PHF8: variants seen among roughly 807,000 people sequenced by gnomAD.
The protein encoded by PHF8 is histone lysine demethylase PHF8.
A neutral mutation model predicts 74.4 loss-of-function variants in PHF8; 9 were observed. That is an observed-to-expected ratio of 0.12 (90% CI 0.07 to 0.21). The LOEUF is 0.21. Ranked by LOEUF, PHF8 falls within the 10% of genes least tolerant of loss-of-function variation. The pLI is 1.00. For synonymous variants in PHF8, 311 were observed against 316.6 expected (o/e 0.98, Z 0.19); for missense variants, 478 against 816.6 (o/e 0.59, Z 5.05).
chrX:54,014,884 C>T (rs1428557999), intron 6 of PHF8, among the ~76,000 whole-genome samples: 3 of 112,001 alleles, frequency 2.7e-5, no homozygotes, highest in Non-Finnish European at 3.8e-5. Context: ...GAAGTTATTG[C>T]ACTATCCCCA....
At position 53,944,146 on chromosome X, in the gene PHF8, C is replaced by T. The variant is rs2064795705; in HGVS notation, c.2637G>A (p.Lys879=). The change falls in exon 20 of 22, where the codon AAG becomes AAA. Residue 879 remains lysine, a synonymous_variant. Coordinates refer to ENST00000338154, the MANE Select transcript of PHF8 (RefSeq NM_015107.3). ...IETGLAAAAA[K]LAQQELQKAQ... ...TGTCAGCACCTACCTGCTGGGCCAG[C>T]TTTGCAGCTGCTGCAGCCAAACCTG... 3 of 1,196,946 alleles carry T rather than the reference C, an allele frequency of 2.5e-6. No individual in the cohort carries two copies. Among genetic ancestry groups the T allele is most frequent in the East Asian group, 5.9e-5 (2 of 33,804 alleles).
chrX:53,993,543 C>A, intron 13 of PHF8, 58 bp downstream of exon 13: 1 of 1,054,452 alleles, frequency 9.5e-7, no homozygotes, highest in Admixed American at 2.2e-5. Context: ...TTTTTGAAAC[C>A]CTGCTCTTCC....
rs886568860 is a variant in PHF8 at position 53,938,427 on chromosome X, G to A, written c.*731C>T. The A allele has an allele frequency of 1.3e-6, 1 of 796,112 alleles. No homozygotes were observed. The highest frequency in any genetic ancestry group is 7.4e-5 in the Admixed American group (1 of 13,469). 65.6% of individuals were successfully genotyped at this position (796,112 alleles called of 1,213,427 possible). A position where few individuals can be genotyped will look rare whatever the true frequency, so the allele number is the denominator to read the frequency against. On this transcript the variant is annotated 3_prime_UTR_variant, in exon 22 of 22. Transcript: ENST00000338154. ...TGGCCTCATGTGTAGCCAGCTAAAA[G>A]TAGCTTCCTCCAACAGGCTACAAAA...
intron 4 of PHF8, among the ~76,000 whole-genome samples, chrX:54,018,778 G>T (rs1402835148): frequency 9.0e-6 from 1 of 110,518 alleles, no homozygotes; most frequent in African/African-American, 3.3e-5. Context: ...GCGCCACCAC[G>T]CCCAGCTAAT....
chrX:53,940,348 G>A lies in PHF8; in HGVS notation c.2818C>T (p.Pro940Ser), dbSNP rs2149767894. The A allele has an allele frequency of 3.3e-6, 4 of 1,210,215 alleles. No homozygotes were observed. In the South Asian group the frequency reaches 7.1e-5, roughly 21 times the overall value. ...TSSSPLPPPEPKQEALSGSLA... is the reference protein window; with the variant it reads ...TSSSPLPPPESKQEALSGSLA... Reference sequence around the variant, plus strand: ...CTTCCTGACAGGGCCTCTTGTTTAGGCTCAGGAGGAGGCAGGGGTGAGGAG... The same window carrying A: ...CTTCCTGACAGGGCCTCTTGTTTAGACTCAGGAGGAGGCAGGGGTGAGGAG... Residue 940 changes from proline to serine, a missense_variant, in exon 21 of 22, where the codon CCT (proline) becomes TCT (serine). By Grantham distance (74) the Pro-to-Ser change is moderately conservative. Transcript: ENST00000338154.
intron 4 of PHF8, among the ~76,000 whole-genome samples, chrX:54,020,506 A>AT (rs1370993907): frequency 9.0e-6 from 1 of 111,524 alleles, no homozygotes; most frequent in African/African-American, 3.3e-5. Context: ...TCAAATATAT[A>AT]TTTTTTTAAA....
intron 18 of PHF8, among the ~76,000 whole-genome samples, chrX:53,980,536 T>G (rs1160980453): frequency 8.9e-6 from 1 of 111,907 alleles, no homozygotes; most frequent in African/African-American, 3.2e-5. Context: ...AACTTTCTGT[T>G]GTTTAAGCCA....
intron 19 of PHF8, among the ~76,000 whole-genome samples, chrX:53,952,685 C>G (rs1227610034): frequency 1.8e-5 from 2 of 108,218 alleles, no homozygotes; most frequent in African/African-American, 3.4e-5. Flanking sequence ...AGATGGACAC[C>G]ATCCTGGCTA....
chrX:53,974,200 A>G (rs782580120), intron 18 of PHF8, among the ~76,000 whole-genome samples: 1 of 110,792 alleles, frequency 9.0e-6, no homozygotes, highest in African/African-American at 3.3e-5. Context: ...CGGGAGGCGG[A>G]GCTTGCAGTG....
At chrX:54,006,257 G>T (rs1436855710) in intron 8 of PHF8, among the ~76,000 whole-genome samples, 1 of 111,592 alleles carries the variant, frequency 9.0e-6, no homozygotes, top group East Asian at 2.8e-4. Context: ...CGAGGTGGGT[G>T]GATCACTTGA....
intron 19 of PHF8, among the ~76,000 whole-genome samples, chrX:53,960,563 C>A (rs1557090465): frequency 2.8e-5 from 3 of 106,716 alleles, no homozygotes; most frequent in Non-Finnish European, 5.8e-5. Flanking sequence ...GCCTGGCCAA[C>A]ATGGTGAAAC....
intron 18 of PHF8, among the ~76,000 whole-genome samples, chrX:53,963,480 AAGAAATAAAC>A (rs781955576): frequency 1.8e-5 from 2 of 112,218 alleles, no homozygotes; most frequent in African/African-American, 6.5e-5. Context: ...TAAGTGAATG[AAGAAATAAAC>A]AGTACATACT....
chrX:53,974,838 T>C (rs781858005), intron 18 of PHF8, among the ~76,000 whole-genome samples: 1 of 111,704 alleles, frequency 9.0e-6, no homozygotes, highest in Non-Finnish European at 1.9e-5. Flanking sequence ...TGTTCTCACT[T>C]GTAAGTGGGA....
chrX:54,015,652 A>G (rs1286992571), intron 6 of PHF8, among the ~76,000 whole-genome samples: 2 of 109,398 alleles, frequency 1.8e-5, no homozygotes, highest in Non-Finnish European at 3.8e-5. Flanking sequence ...GTTACCATTG[A>G]GGGAAAGTGG....
chrX:53,992,940 C>T (rs2149838800), intron 13 of PHF8, 101 bp from the exon 14 acceptor site: 1 of 564,959 alleles, frequency 1.8e-6, no homozygotes. Flanking sequence ...ACTGTCAAAA[C>T]CACCTGAGCC....
chrX:54,017,762 T>C lies in PHF8; in HGVS notation c.353A>G (p.Glu118Gly). 1 of 1,209,439 alleles carries C rather than the reference T, an allele frequency of 8.3e-7. No homozygotes were observed. Among genetic ancestry groups the C allele is most frequent in the Non-Finnish European group, 1.1e-6 (1 of 893,487 alleles). The change falls in exon 5 of 22, where the codon GAA becomes GGA. Residue 118 changes from glutamate (E) to glycine (G), a missense_variant. This residue lies in a region of PHF8 where 70 missense variants were observed against 234.1 expected (regional missense o/e 0.30). Transcript: ENST00000338154. Reference sequence around the variant, plus strand: ...CAGGATGGGCACACTGAAGCTATTTTCTTCCAGGAATTCCACGGTCAGTTG... The same window carrying C: ...CAGGATGGGCACACTGAAGCTATTTCCTTCCAGGAATTCCACGGTCAGTTG... ...GNQLTVEFLE[E>G]NSFSVPILVL...
intron 19 of PHF8, among the ~76,000 whole-genome samples, chrX:53,961,983 C>T (rs1331197053): frequency 1.8e-5 from 2 of 112,520 alleles, no homozygotes; most frequent in African/African-American, 6.5e-5. Context: ...GTAAATATGA[C>T]TTAAGCAAAG....
At chrX:54,036,311 T>C (rs1297630116) in intron 2 of PHF8, among the ~76,000 whole-genome samples, 2 of 109,869 alleles carry the variant, frequency 1.8e-5, no homozygotes, top group African/African-American at 3.3e-5. Context: ...TGTAAAGGAA[T>C]TGAAATCATA....
At chrX:54,002,734 G>C in intron 8 of PHF8, 52 bp from the exon 9 acceptor site, 1 of 822,880 alleles carries the variant, frequency 1.2e-6, no homozygotes, top group Non-Finnish European at 1.8e-6. Flanking sequence ...TTCTTCCTCT[G>C]ATTATCTCCA....
Sources: gnomAD v4.1 joint callset for allele counts (sites outside exome capture counted in the v4.1 genomes callset) on GRCh38, gnomAD v4.1.1 for gene constraint, gnomAD v4.1.1 regional missense constraint, MANE v1.5 for transcripts, NCBI Gene and HGNC (gene_info 2026-07-23, HGNC 2026-07-21) for gene names.